CHSY3: variants seen among roughly 807,000 people sequenced by gnomAD.
The protein encoded by CHSY3 is N-acetylgalactosaminyl-proteoglycan 3-beta-glucuronosyltransferase 3.
CHSY3 carries 35 observed loss-of-function variants against 67.2 expected under a neutral mutation model. The ratio of observed to expected loss-of-function variants is 0.52; its 90% CI spans 0.40 to 0.69. CHSY3 has a LOEUF of 0.69. Among genes scored for constraint, CHSY3 ranks in the 30% least tolerant of loss-of-function variants. CHSY3 has a pLI of 0.00. For synonymous variants in CHSY3, 474 were observed against 434.7 expected, an observed-to-expected ratio of 1.09 and a Z score of -1.12; for missense variants, 1,069 against 1,138.5, an observed-to-expected ratio of 0.94 and a Z score of 0.88.
intron 2 of CHSY3, among the ~76,000 whole-genome samples, chr5:130,168,749 G>C (rs1434454533): frequency 6.6e-6 from 1 of 151,900 alleles, no homozygotes; most frequent in Non-Finnish European, 1.5e-5. Context: ...TACACTCTAG[G>C]AGCTGGTCAT....
intron 2 of CHSY3, among the ~76,000 whole-genome samples, chr5:129,946,623 C>G (rs1228676579): frequency 6.6e-6 from 1 of 152,124 alleles, no homozygotes; most frequent in Admixed American, 6.6e-5. Flanking sequence ...ACACTTGAAC[C>G]CTGATAACCA....
At chr5:129,980,288 G>GTTTTT (rs1762944762) in intron 2 of CHSY3, among the ~76,000 whole-genome samples, 1 of 152,180 alleles carries the variant, frequency 6.6e-6, no homozygotes, top group Non-Finnish European at 1.5e-5. Flanking sequence ...TTGGTATATA[G>GTTTTT]TAGTATCTCA....
chr5:129,987,956 G>GT (rs759784025), intron 2 of CHSY3, among the ~76,000 whole-genome samples: 45 of 152,030 alleles, frequency 3.0e-4, no homozygotes, highest in Non-Finnish European at 5.0e-4. Flanking sequence ...AAATCTTTCC[G>GT]TTTTTCTTGC....
intron 2 of CHSY3, among the ~76,000 whole-genome samples, chr5:130,040,655 A>G (rs965036951): frequency 6.6e-6 from 1 of 152,114 alleles, no homozygotes; most frequent in Admixed American, 6.6e-5. Flanking sequence ...TCAGAAAGGT[A>G]AACAATTTGA....
chr5:129,931,304 G>A (rs1216468749), intron 2 of CHSY3, among the ~76,000 whole-genome samples: 2 of 152,070 alleles, frequency 1.3e-5, no homozygotes, highest in South Asian at 2.1e-4. Context: ...CTCTAAATGC[G>A]AGCCTATTAA....
chr5:129,941,382 A>G (rs1158815252), intron 2 of CHSY3, among the ~76,000 whole-genome samples: 1 of 152,146 alleles, frequency 6.6e-6, no homozygotes, highest in Admixed American at 6.5e-5. Context: ...TTTATTCATT[A>G]TATTAAATTA....
At chr5:129,987,318 A>G (rs1401220482) in intron 2 of CHSY3, among the ~76,000 whole-genome samples, 1 of 152,166 alleles carries the variant, frequency 6.6e-6, no homozygotes, top group African/African-American at 2.4e-5. Context: ...ACACTATATA[A>G]AAGTAAAACA....
intron 2 of CHSY3, among the ~76,000 whole-genome samples, chr5:130,027,125 T>A (rs541956925): frequency 6.6e-6 from 1 of 152,120 alleles, no homozygotes; most frequent in Non-Finnish European, 1.5e-5. Context: ...AACACTATGG[T>A]ACTTCCTGAG....
intron 2 of CHSY3, among the ~76,000 whole-genome samples, chr5:129,917,034 A>G (rs532872484): frequency 6.6e-6 from 1 of 152,318 alleles, no homozygotes; most frequent in East Asian, 1.9e-4. Context: ...AGAAAAATAA[A>G]GACATTTTTA....
chr5:129,957,570 A>T (rs2149605374), intron 2 of CHSY3, among the ~76,000 whole-genome samples: 1 of 152,300 alleles, frequency 6.6e-6, no homozygotes, highest in South Asian at 2.1e-4. Context: ...ACATGTAATT[A>T]ATATTTTGCT....
At chr5:129,997,728 A>G (rs898297225) in intron 2 of CHSY3, among the ~76,000 whole-genome samples, 4 of 152,054 alleles carry the variant, frequency 2.6e-5, no homozygotes, top group African/African-American at 9.7e-5. Context: ...TCATTGTTCA[A>G]TTCCCATCTA....
intron 2 of CHSY3, among the ~76,000 whole-genome samples, chr5:130,127,284 T>G (rs141781178): frequency 6.6e-6 from 1 of 152,154 alleles, no homozygotes; most frequent in Non-Finnish European, 1.5e-5. Flanking sequence ...ATTAAGCCCC[T>G]ATTTCATGCC....
chr5:130,044,226 A>T (rs1381435691), intron 2 of CHSY3, among the ~76,000 whole-genome samples: 1 of 152,154 alleles, frequency 6.6e-6, no homozygotes, highest in Admixed American at 6.5e-5. Flanking sequence ...AGAAGGAGTC[A>T]CTAAGAAAGT....
intron 2 of CHSY3, among the ~76,000 whole-genome samples, chr5:130,131,482 C>T (rs1376045398): frequency 6.6e-6 from 1 of 152,104 alleles, no homozygotes; most frequent in Non-Finnish European, 1.5e-5. Flanking sequence ...GCATTATTAC[C>T]AAGCCCAAAG....
intron 2 of CHSY3, among the ~76,000 whole-genome samples, chr5:130,038,766 T>C (rs1764928098): frequency 6.6e-6 from 1 of 152,142 alleles, no homozygotes; most frequent in South Asian, 2.1e-4. Flanking sequence ...TTATCTGCAC[T>C]GCACTACAAA....
intron 2 of CHSY3, among the ~76,000 whole-genome samples, chr5:129,946,538 A>G (rs1254619289): frequency 1.3e-5 from 2 of 152,290 alleles, no homozygotes; most frequent in South Asian, 2.1e-4. Context: ...TTACTATGCT[A>G]TACATTAGGT....
chr5:130,132,440 A>T (rs1393374027), intron 2 of CHSY3, among the ~76,000 whole-genome samples: 1 of 139,314 alleles, frequency 7.2e-6, no homozygotes, highest in Non-Finnish European at 1.6e-5. Context: ...AAGAAATAAT[A>T]AGTATAACAA....
intron 2 of CHSY3, among the ~76,000 whole-genome samples, chr5:130,083,097 A>G (rs1329169054): frequency 2.6e-5 from 4 of 152,014 alleles, no homozygotes; most frequent in Non-Finnish European, 5.9e-5. Context: ...ATCATTTCCA[A>G]TGTTGTAATT....
chr5:130,062,961 G>T (rs932857639), intron 2 of CHSY3, among the ~76,000 whole-genome samples: 2 of 152,036 alleles, frequency 1.3e-5, no homozygotes, highest in African/African-American at 4.8e-5. Context: ...TTTGCATTTG[G>T]TGGATAATAA....
Sources: allele counts gnomAD v4.1 joint callset (sites outside exome capture counted in the v4.1 genomes callset), GRCh38; gene constraint gnomAD v4.1.1; transcripts MANE v1.5; gene names NCBI Gene and HGNC (gene_info 2026-07-23, HGNC 2026-07-21).